The following HAPSTR1 variants were observed in gnomAD, a reference collection of about 807,000 sequenced individuals.
HAPSTR1 encodes HUWE1-associated protein modifying stress responses 1.
chr16:9,098,120 C>T, the HAPSTR1 span, among the ~76,000 whole-genome samples: 1 of 152,038 alleles, frequency 6.6e-6, no homozygotes, highest in Admixed American at 6.6e-5. Flanking sequence ...CATTTGAGGT[C>T]GGGAGTTTGA....
At chr16:9,096,457 C>T in the HAPSTR1 span, among the ~76,000 whole-genome samples, 1 of 152,038 alleles carries the variant, frequency 6.6e-6, no homozygotes, top group African/African-American at 2.4e-5. Flanking sequence ...AGTCTGATGC[C>T]CTTAAGTCCT....
the HAPSTR1 span, chr16:9,117,009 G>T: frequency 6.6e-7 from 1 of 1,522,016 alleles, no homozygotes; most frequent in Non-Finnish European, 8.9e-7. Flanking sequence ...ATCTTCCCTT[G>T]TTCACTGTTT....
chr16:9,104,625 TAAAAAC>T, the HAPSTR1 span: 1 of 152,168 alleles, frequency 6.6e-6, no homozygotes, highest in South Asian at 2.1e-4. Context: ...TTAGGACAAT[TAAAAAC>T]AAAAACATGA....
At chr16:9,098,527 C>T in the HAPSTR1 span, among the ~76,000 whole-genome samples, 1 of 152,092 alleles carries the variant, frequency 6.6e-6, no homozygotes, top group Non-Finnish European at 1.5e-5. Context: ...AGTACATTTT[C>T]TTTACTGGTT....
the HAPSTR1 span, among the ~76,000 whole-genome samples, chr16:9,100,823 C>T: frequency 6.6e-6 from 1 of 152,310 alleles, no homozygotes; most frequent in African/African-American, 2.4e-5. Flanking sequence ...GCATGAGCCA[C>T]CATGCCTGGC....
the HAPSTR1 span, among the ~76,000 whole-genome samples, chr16:9,100,417 A>T: frequency 1.8e-4 from 25 of 142,436 alleles, no homozygotes; most frequent in South Asian, 2.2e-4. Context: ...TTCACAGGAT[A>T]TTTTTTTTTT....
chr16:9,114,636 G>A, the HAPSTR1 span, among the ~76,000 whole-genome samples: 1 of 152,164 alleles, frequency 6.6e-6, no homozygotes, highest in South Asian at 2.1e-4. Flanking sequence ...GAGAGAAACT[G>A]TTCAAAGAGA....
At chr16:9,117,327 C>G in the HAPSTR1 span, 1 of 179,742 alleles carries the variant, frequency 5.6e-6, no homozygotes, top group South Asian at 1.1e-4. Context: ...TGCCAGGTTC[C>G]TAAAATTGTC....
chr16:9,092,178 A>AGGC, the HAPSTR1 span: 6 of 1,577,142 alleles, frequency 3.8e-6, 1 homozygote, highest in East Asian at 4.6e-5. Context: ...CTGCAGGAGG[A>AGGC]GGCGGCGGCC....
the HAPSTR1 span, among the ~76,000 whole-genome samples, chr16:9,097,220 G>A: frequency 2.2e-4 from 33 of 150,806 alleles, no homozygotes; most frequent in Admixed American, 4.6e-4. Flanking sequence ...GATTACAGGC[G>A]TGAGCCACCG....
the HAPSTR1 span, chr16:9,112,572 G>C: frequency 6.6e-6 from 1 of 152,306 alleles, no homozygotes; most frequent in Non-Finnish European, 1.5e-5. Flanking sequence ...AGATGACTGG[G>C]CTGGCATTTG....
At chr16:9,094,192 A>G in the HAPSTR1 span, among the ~76,000 whole-genome samples, 2 of 152,202 alleles carry the variant, frequency 1.3e-5, no homozygotes, top group African/African-American at 4.8e-5. Context: ...GGTGAAAAGA[A>G]ACGCTAACTT....
the HAPSTR1 span, chr16:9,103,152 C>T: frequency 1.1e-5 from 18 of 1,614,046 alleles, no homozygotes; most frequent in African/African-American, 1.3e-5. Flanking sequence ...AACTCTAGAG[C>T]TCCCCCAAGA....
chr16:9,098,405 T>C, the HAPSTR1 span, among the ~76,000 whole-genome samples: 4 of 152,214 alleles, frequency 2.6e-5, no homozygotes, highest in East Asian at 1.9e-4. Flanking sequence ...ATTAAGTAAA[T>C]ACATAAGTAG....
At chr16:9,095,896 G>T in the HAPSTR1 span, among the ~76,000 whole-genome samples, 1 of 152,144 alleles carries the variant, frequency 6.6e-6, no homozygotes, top group Non-Finnish European at 1.5e-5. Context: ...GCTGGTTTTT[G>T]ATTTGATAAA....
At chr16:9,092,424 G>C in the HAPSTR1 span, among the ~76,000 whole-genome samples, 1 of 151,850 alleles carries the variant, frequency 6.6e-6, no homozygotes, top group South Asian at 2.1e-4. Flanking sequence ...CCCCCTCCCC[G>C]CAAGATGGCG....
At chr16:9,103,484 G>T in the HAPSTR1 span, 5 of 515,126 alleles carry the variant, frequency 9.7e-6, no homozygotes, top group Non-Finnish European at 1.7e-5. Context: ...TGAGCTTATT[G>T]GTGTTAAAAT....
the HAPSTR1 span, chr16:9,091,669 G>T: frequency 5.0e-6 from 2 of 398,958 alleles, no homozygotes; most frequent in Non-Finnish European, 8.8e-6. Context: ...GGGCTCCGCG[G>T]TGCAGGCCGA....
chr16:9,103,130 C>T, the HAPSTR1 span: 2 of 1,614,020 alleles, frequency 1.2e-6, no homozygotes, highest in Non-Finnish European at 1.7e-6. Context: ...TGGAAAAGTT[C>T]CTCCACCACG....
Sources: allele counts gnomAD v4.1 joint callset (sites outside exome capture counted in the v4.1 genomes callset), GRCh38; gene constraint gnomAD v4.1.1; transcripts MANE v1.5; gene names NCBI Gene and HGNC (gene_info 2026-07-23, HGNC 2026-07-21).